The following STARD13 variants were observed in gnomAD, a reference collection of about 807,000 sequenced individuals.
STARD13 encodes the protein StAR related lipid transfer domain containing 13, also known as stAR-related lipid transfer protein 13.
In STARD13, 62 loss-of-function variants were observed where a neutral mutation model predicts 106.4. The observed-to-expected ratio is 0.58, with a 90% confidence interval of 0.48 to 0.72. The LOEUF (loss-of-function observed/expected upper bound fraction) is 0.72. Among genes scored for constraint, STARD13 ranks in the 30% least tolerant of loss-of-function variants. The pLI is 0.00. For missense variants in STARD13, 1,387 were observed against 1,424.0 expected (o/e 0.97, Z 0.42); for synonymous variants, 565 against 553.0 (o/e 1.02, Z -0.31).
the STARD13 span, among the ~76,000 whole-genome samples, chr13:33,388,124 A>AGAG: frequency 6.6e-6 from 1 of 152,224 alleles, no homozygotes; most frequent in African/African-American, 2.4e-5. Flanking sequence ...TCTCTTCCCC[A>AGAG]ACCACCAGAG....
chr13:33,381,527 G>A, the STARD13 span, among the ~76,000 whole-genome samples: 2 of 152,110 alleles, frequency 1.3e-5, no homozygotes, highest in African/African-American at 4.8e-5. Context: ...ACCATTTGAG[G>A]TCAGGAGTTC....
intron 1 of STARD13, among the ~76,000 whole-genome samples, chr13:33,211,096 T>C (rs1434576210): frequency 1.3e-5 from 2 of 151,990 alleles, no homozygotes; most frequent in East Asian, 3.8e-4. Context: ...TCATTCCTTT[T>C]TAGTAAATTA....
the STARD13 span, among the ~76,000 whole-genome samples, chr13:33,563,992 T>C: frequency 6.8e-6 from 1 of 146,384 alleles, no homozygotes; most frequent in South Asian, 2.2e-4. Context: ...AGGAGTTTAA[T>C]ACCAGCCTGG....
At chr13:33,251,415 A>C (rs17078879) in intron 1 of STARD13, among the ~76,000 whole-genome samples, 2,134 of 152,346 alleles carry the variant, frequency 0.014, 66 homozygotes, top group African/African-American at 0.049. Context: ...AGGTTTACTA[A>C]AACAGTCTGC....
Position 33,204,728 on chromosome 13 carries a change from C to T in STARD13, c.170-37106G>A, listed in dbSNP as rs577863087. Among the ~76,000 whole-genome samples, 11 of 152,350 alleles carry T rather than the reference C, an allele frequency of 7.2e-5. No homozygotes were observed. The South Asian group carries it at 1.2e-3, about 17-fold the overall frequency. On this transcript the variant is annotated intron_variant, in intron 1 of 13. Transcript: ENST00000336934. ...TCAATCAGCAAGGATTTCTGCAAAA[C>T]GCATAAAACAGTTCTCCTCTCAGCT...
the STARD13 span, among the ~76,000 whole-genome samples, chr13:33,480,153 TA>T: frequency 6.6e-6 from 1 of 152,322 alleles, no homozygotes; most frequent in East Asian, 1.9e-4. Context: ...TATATAATTT[TA>T]AAACAACAAT....
the STARD13 span, among the ~76,000 whole-genome samples, chr13:33,527,338 G>A: frequency 6.6e-6 from 1 of 151,752 alleles, no homozygotes; most frequent in African/African-American, 2.4e-5. Context: ...ATTTAAAAAT[G>A]CCATCCTTAT....
At chr13:33,346,465 G>A (rs972054748), downstream of STARD13, among the ~76,000 whole-genome samples, 3 of 152,020 alleles carry the variant, frequency 2.0e-5, no homozygotes, top group South Asian at 6.2e-4. Context: ...ACTTCTTTTT[G>A]TCTATCTGTT....
chr13:33,244,513 T>A (rs1160003571), intron 1 of STARD13, among the ~76,000 whole-genome samples: 2 of 152,030 alleles, frequency 1.3e-5, no homozygotes, highest in African/African-American at 4.8e-5. Context: ...GCTCCTCTTA[T>A]CAAGAAGAGC....
rs756440686 is a variant in STARD13 at position 33,129,736 on chromosome 13, G to A, written c.941C>T (p.Ser314Leu). The change falls in exon 5 of 14, where the codon TCG (serine) becomes TTG (leucine). Residue 314 changes from serine (S) to leucine (L), a missense_variant. Coordinates refer to ENST00000336934, the MANE Select transcript of STARD13 (RefSeq NM_178006.4). Reference protein sequence around the residue: ...IQIPNGDLQNSPPPACRKGLP... With the variant: ...IQIPNGDLQNLPPPACRKGLP... ...CCCTTTTCTGCAGGCAGGTGGCGGC[G>A]AATTCTGGAGATCTCCATTTGGTAT... 8.7e-6 allele frequency: 14 copies of A among 1,613,964 alleles called. No homozygotes were observed. Among genetic ancestry groups the A allele is most frequent in the South Asian group, 1.1e-5 (1 of 91,094 alleles).
chr13:33,325,534 C>G (rs2077763730), intron 1 of STARD13, among the ~76,000 whole-genome samples: 1 of 152,072 alleles, frequency 6.6e-6, no homozygotes, highest in South Asian at 2.1e-4. Context: ...TATCCCCTTC[C>G]CTTTGGTCCT....
chr13:33,224,002 G>T (rs1271429477), intron 1 of STARD13, among the ~76,000 whole-genome samples: 2 of 152,130 alleles, frequency 1.3e-5, no homozygotes, highest in African/African-American at 4.8e-5. Flanking sequence ...ATTACAGTAG[G>T]GGAGGACACC....
At chr13:33,523,616 G>T in the STARD13 span, among the ~76,000 whole-genome samples, 1 of 151,930 alleles carries the variant, frequency 6.6e-6, no homozygotes, top group African/African-American at 2.4e-5. Flanking sequence ...AAATTTAAAA[G>T]ATTCAAAAAA....
chr13:33,406,290 C>A, the STARD13 span, among the ~76,000 whole-genome samples: 5 of 152,066 alleles, frequency 3.3e-5, no homozygotes, highest in Non-Finnish European at 7.4e-5. Context: ...AGAAAAAAAA[C>A]CTCTTGTTTT....
chr13:33,118,107 A>C lies in STARD13; in HGVS notation c.2239T>G (p.Phe747Val). ...QFFRDLPEPL[F>V]TNKLSETFLH... Reference sequence around the variant, plus strand: ...AAGGTCTCACTGAGCTTGTTGGTGAAAAGAGGCTCAGGGAGGTCCCGGAAG... The same window carrying C: ...AAGGTCTCACTGAGCTTGTTGGTGACAAGAGGCTCAGGGAGGTCCCGGAAG... Residue 747 changes from phenylalanine (F) to valine (V), a missense_variant, in exon 8 of 14, where the codon TTC becomes GTC. Physicochemically the swap from Phe to Val is conservative, Grantham distance 50. Coordinates refer to ENST00000336934, the MANE Select transcript of STARD13 (RefSeq NM_178006.4). The C allele has an allele frequency of 1.9e-6, 3 of 1,614,214 alleles. No individual in the cohort carries two copies. Among genetic ancestry groups the C allele is most frequent in the Non-Finnish European group, 2.5e-6 (3 of 1,180,038 alleles).
At chr13:33,620,474 G>A in the STARD13 span, among the ~76,000 whole-genome samples, 1 of 151,402 alleles carries the variant, frequency 6.6e-6, no homozygotes, top group Non-Finnish European at 1.5e-5. Flanking sequence ...GTAGAGACAG[G>A]GTTTCACCTT....
At chr13:33,133,856 C>G (rs544340) in intron 4 of STARD13, among the ~76,000 whole-genome samples, 49,633 of 151,860 alleles carry the variant, frequency 0.33, 8,814 homozygotes, top group Non-Finnish European at 0.41. Flanking sequence ...CACTTGGGAC[C>G]CAGCAGAGCA....
intron 1 of STARD13, among the ~76,000 whole-genome samples, chr13:33,202,830 G>C (rs887520112): frequency 2.0e-5 from 3 of 152,152 alleles, no homozygotes; most frequent in Non-Finnish European, 2.9e-5. Flanking sequence ...GGGTGGGGCA[G>C]GAGGGACACG....
At chr13:33,282,036 C>A (rs995254751) in intron 1 of STARD13, among the ~76,000 whole-genome samples, 1 of 152,014 alleles carries the variant, frequency 6.6e-6, no homozygotes, top group African/African-American at 2.4e-5. Context: ...AAATCCAATT[C>A]TCCCTTTCCT....
Sources: allele counts gnomAD v4.1 joint callset (sites outside exome capture counted in the v4.1 genomes callset), GRCh38; gene constraint gnomAD v4.1.1; transcripts MANE v1.5; gene names NCBI Gene and HGNC (gene_info 2026-07-23, HGNC 2026-07-21).